Variants in SECISBP2 observed in about 807,000 individuals in gnomAD.
The protein encoded by SECISBP2 is SECIS binding protein 2, also known as selenocysteine insertion sequence-binding protein 2.
In SECISBP2, 96 loss-of-function variants were observed where a neutral mutation model predicts 98.2. The ratio of observed to expected loss-of-function variants is 0.98; its 90% CI spans 0.83 to 1.16. The LOEUF is 1.16. Ranked by LOEUF, SECISBP2 falls within the 50% of genes most tolerant of loss-of-function variation. SECISBP2 has a pLI of 0.00. For synonymous variants in SECISBP2, 407 were observed against 370.2 expected (o/e 1.10, Z -1.14); for missense variants, 1,046 against 1,022.9 (o/e 1.02, Z -0.31).
At chr9:89,353,930 T>C (rs1235041202) in intron 14 of SECISBP2, among the ~76,000 whole-genome samples, 1 of 152,264 alleles carries the variant, frequency 6.6e-6, no homozygotes, top group Non-Finnish European at 1.5e-5. Flanking sequence ...TTGTATATTT[T>C]ATAAATATTT....
intron 4 of SECISBP2, among the ~76,000 whole-genome samples, chr9:89,326,604 C>G (rs1826746401): frequency 6.6e-6 from 1 of 152,192 alleles, no homozygotes; most frequent in Non-Finnish European, 1.5e-5. Context: ...GCTGCACAAT[C>G]AGGTTAAGGT....
chr9:89,334,509 T>C lies in SECISBP2; in HGVS notation c.881-13T>C, dbSNP rs775576089. Reference sequence around the variant, plus strand: ...GTTGAGATTGTTCAACAATTTTGGTTATCTTTGAGCAGAGTTATCTTGGAC... The same window carrying C: ...GTTGAGATTGTTCAACAATTTTGGTCATCTTTGAGCAGAGTTATCTTGGAC... On this transcript the variant is annotated splice_polypyrimidine_tract_variant and intron_variant, in intron 6 of 16. Transcript: ENST00000375807. 6.2e-7 allele frequency: 1 copy of C among 1,612,986 alleles called. No homozygotes were observed. Among genetic ancestry groups the C allele is most frequent in the South Asian group, 1.1e-5 (1 of 91,052 alleles).
the SECISBP2 span, among the ~76,000 whole-genome samples, chr9:89,365,847 A>C: frequency 0.21 from 31,624 of 152,150 alleles, 3,794 homozygotes; most frequent in East Asian, 0.39. Flanking sequence ...TGAAAAGAAG[A>C]GATCGCCAGT....
At chr9:89,321,985 A>C (rs1376782364) in intron 2 of SECISBP2, among the ~76,000 whole-genome samples, 1 of 152,248 alleles carries the variant, frequency 6.6e-6, no homozygotes, top group African/African-American at 2.4e-5. Flanking sequence ...TTACTTGTTC[A>C]ACTACATAGC....
intron 7 of SECISBP2, among the ~76,000 whole-genome samples, chr9:89,337,931 A>C (rs1829036476): frequency 6.6e-6 from 1 of 152,252 alleles, no homozygotes; most frequent in South Asian, 2.1e-4. Context: ...GCTTCAGTGC[A>C]AAGGCCCTGT....
chr9:89,326,938 G>A (rs797010500), intron 4 of SECISBP2, among the ~76,000 whole-genome samples: 15 of 152,252 alleles, frequency 9.9e-5, no homozygotes, highest in African/African-American at 3.4e-4. Flanking sequence ...CGAGACGGGC[G>A]GATCACGAGG....
In SECISBP2 at chr9:89,325,908, T is replaced by A; in HGVS notation, c.444T>A (p.Tyr148Ter). The A allele has an allele frequency of 6.2e-7, 1 of 1,614,010 alleles. No individual in the cohort carries two copies. The highest frequency in any genetic ancestry group is 8.5e-7 in the Non-Finnish European group (1 of 1,180,010). Reference protein sequence around the residue: ...EMKALFKKKTYDEKKTYDQQK... With the variant: ...EMKALFKKKT Reference sequence around the variant, plus strand: ...AATCTTTCCTGCAGAAGAAAACCTATGATGAGAAAAAAACGTATGATCAGC... The same window carrying A: ...AATCTTTCCTGCAGAAGAAAACCTAAGATGAGAAAAAAACGTATGATCAGC... The change falls in exon 4 of 17, where the codon TAT becomes TAA. Residue 148 changes from tyrosine to a stop codon, truncating the protein, a stop_gained. Coordinates refer to ENST00000375807, the MANE Select transcript of SECISBP2 (RefSeq NM_024077.5). LOFTEE classifies it high-confidence loss of function.
downstream of SECISBP2, chr9:89,361,399 G>A (rs7389229): frequency 0.14 from 20,934 of 152,236 alleles, 1,915 homozygotes; most frequent in Admixed American, 0.3. Context: ...AGAGGGGTGC[G>A]GCTTGACTTT....
chr9:89,359,877 TGC>T (rs770361338), downstream of SECISBP2, among the ~76,000 whole-genome samples: 23 of 152,206 alleles, frequency 1.5e-4, no homozygotes, highest in Non-Finnish European at 3.1e-4. Context: ...AACCTGCACT[TGC>T]GTTTTCACCA....
chr9:89,362,488 C>T, downstream of SECISBP2: 9 of 1,613,816 alleles, frequency 5.6e-6, no homozygotes, highest in Non-Finnish European at 7.6e-6. Context: ...TCCTGCTCTG[C>T]AGCCCAGTCT....
At position 89,328,661 on chromosome 9, in the gene SECISBP2, T is replaced by C; in HGVS notation, c.576T>C (p.Asp192=). Residue 192 remains aspartate, a splice_region_variant and synonymous_variant, in exon 5 of 17, where the codon GAT becomes GAC. Transcript: ENST00000375807. The part of the protein sequence containing the change: ...SIYAENSLKS[D]GYHKRTDRKS... Reference sequence around the variant, plus strand: ...TTACTTTTAATTTTGTAATTACAGATGGTTACCATAAGCGAACAGACAGGA... The same window carrying C: ...TTACTTTTAATTTTGTAATTACAGACGGTTACCATAAGCGAACAGACAGGA... 6.2e-7 allele frequency: 1 copy of C among 1,613,020 alleles called. No homozygotes were observed. The highest frequency in any genetic ancestry group is 8.5e-7 in the Non-Finnish European group (1 of 1,178,936).
At chr9:89,365,509 A>G in the SECISBP2 span, 2 of 152,356 alleles carry the variant, frequency 1.3e-5, no homozygotes, top group Admixed American at 6.5e-5. Flanking sequence ...CTGCTTGACC[A>G]TGACACCTCG....
intron 14 of SECISBP2, among the ~76,000 whole-genome samples, chr9:89,355,887 T>C (rs1831997726): frequency 6.6e-6 from 1 of 152,238 alleles, no homozygotes; most frequent in Non-Finnish European, 1.5e-5. Context: ...TTTTCTGGCG[T>C]CCATCCTGTT....
chr9:89,358,027 C>T lies in SECISBP2; in HGVS notation c.2297C>T (p.Thr766Ile). The change falls in exon 16 of 17, where the codon ACA becomes ATA. Residue 766 changes from threonine (T) to isoleucine (I), a missense_variant. Coordinates refer to ENST00000375807, the MANE Select transcript of SECISBP2 (RefSeq NM_024077.5). ...QDQFHKMVEL[T>I]VAARQAYKTM... ...CAGTTCCACAAGATGGTTGAGCTGA[C>T]AGTGGCGGCCCGACAGGCGTACAAG... is the stretch of plus-strand genomic sequence containing the variant. The T allele has an allele frequency of 1.2e-6, 2 of 1,613,382 alleles. No individual in the cohort carries two copies. Among genetic ancestry groups the T allele is most frequent in the Non-Finnish European group, 1.7e-6 (2 of 1,179,992 alleles).
At chr9:89,343,330 A>T (rs1829937751) in intron 10 of SECISBP2, among the ~76,000 whole-genome samples, 1 of 152,022 alleles carries the variant, frequency 6.6e-6, no homozygotes, top group Non-Finnish European at 1.5e-5. Context: ...CTTTTTTTTT[A>T]AATCTGTGGA....
At chr9:89,364,054 G>A, downstream of SECISBP2, 1 of 1,601,410 alleles carries the variant, frequency 6.2e-7, no homozygotes, top group Non-Finnish European at 8.5e-7. Flanking sequence ...AGTTGGACCT[G>A]AAGTGACTTG....
intron 7 of SECISBP2, among the ~76,000 whole-genome samples, chr9:89,336,177 A>G (rs1369951388): frequency 1.5e-5 from 2 of 137,826 alleles, no homozygotes; most frequent in Non-Finnish European, 3.0e-5. Flanking sequence ...CTGGGACTAC[A>G]GGCATGCACC....
rs75831861 is a variant in SECISBP2 at position 89,336,026 on chromosome 9, C to T, written c.1089+1296C>T. On this transcript the variant is annotated intron_variant, in intron 7 of 16. Coordinates refer to ENST00000375807, the MANE Select transcript of SECISBP2 (RefSeq NM_024077.5). ...ATTTTTGGTTAATGGAATTTATTTA[C>T]TTGTTATAAGATAGCATTCAGAATA... 2.3e-5 allele frequency among the ~76,000 whole-genome samples: 3 copies of T among 128,610 alleles called. No homozygotes were observed. The East Asian group carries it at 7.2e-4, about 31-fold the overall frequency. 84.4% of individuals were successfully genotyped at this position (128,610 alleles called of 152,430 possible).
chr9:89,325,303 T>C (rs1826500937), intron 2 of SECISBP2, 124 bp from the exon 3 acceptor site: 1 of 855,978 alleles, frequency 1.2e-6, no homozygotes, highest in Admixed American at 2.5e-5. Flanking sequence ...AATTAGGGAT[T>C]ATTCCAGTGC....
Sources: allele counts gnomAD v4.1 joint callset (sites outside exome capture counted in the v4.1 genomes callset), GRCh38; gene constraint gnomAD v4.1.1; transcripts MANE v1.5; gene names NCBI Gene and HGNC (gene_info 2026-07-23, HGNC 2026-07-21).